The following ARHGEF26 variants were observed in gnomAD, a reference collection of about 807,000 sequenced individuals.
The protein encoded by ARHGEF26 is Rho guanine nucleotide exchange factor (GEF) 26.
ARHGEF26 carries 59 observed loss-of-function variants against 89.4 expected under a neutral mutation model. That is an observed-to-expected ratio of 0.66 (90% CI 0.54 to 0.82). ARHGEF26 has a LOEUF of 0.82. Ranked by LOEUF, ARHGEF26 falls within the 40% of genes least tolerant of loss-of-function variation. The probability of loss-of-function intolerance (pLI) is 0.00; values close to 1 mark genes in which losing one functional copy is unlikely to be tolerated. For missense variants in ARHGEF26, 1,234 were observed against 1,085.6 expected (o/e 1.14, Z -1.92); for synonymous variants, 500 against 428.4 (o/e 1.17, Z -2.06).
intron 7 of ARHGEF26, among the ~76,000 whole-genome samples, chr3:154,189,334 A>ATTTTTT (rs35633646): frequency 6.2e-5 from 7 of 112,284 alleles, no homozygotes; most frequent in African/African-American, 1.0e-4. Flanking sequence ...AGTTGATGTG[A>ATTTTTT]TTTTTTTTTT....
chr3:154,208,141 A>T (rs1715145655), intron 9 of ARHGEF26, among the ~76,000 whole-genome samples: 1 of 152,170 alleles, frequency 6.6e-6, no homozygotes, highest in Non-Finnish European at 1.5e-5. Flanking sequence ...TAGCTAGTGG[A>T]TTCTGGGCAA....
chr3:154,155,943 T>C (rs1031455108), intron 6 of ARHGEF26, among the ~76,000 whole-genome samples: 3 of 152,042 alleles, frequency 2.0e-5, no homozygotes, highest in Non-Finnish European at 1.5e-5. Context: ...ATATGGACTT[T>C]AATATATTCA....
At chr3:154,244,376 A>C (rs1207878447) in intron 12 of ARHGEF26, among the ~76,000 whole-genome samples, 1 of 152,198 alleles carries the variant, frequency 6.6e-6, no homozygotes, top group Non-Finnish European at 1.5e-5. Flanking sequence ...AGAAATGCTC[A>C]CCAAAAGGAG....
chr3:154,155,518 C>G (rs888907820), intron 6 of ARHGEF26, among the ~76,000 whole-genome samples: 1 of 151,720 alleles, frequency 6.6e-6, no homozygotes, highest in African/African-American at 2.4e-5. Flanking sequence ...AAAGTTAATA[C>G]AAGTAGAAAT....
intron 4 of ARHGEF26, among the ~76,000 whole-genome samples, chr3:154,145,748 GT>G (rs1489608368): frequency 6.6e-6 from 1 of 152,164 alleles, no homozygotes; most frequent in Non-Finnish European, 1.5e-5. Flanking sequence ...CAAGAGACTG[GT>G]GCTAATCTTG....
chr3:154,247,296 C>T (rs1717858339), intron 12 of ARHGEF26, among the ~76,000 whole-genome samples: 1 of 152,180 alleles, frequency 6.6e-6, no homozygotes, highest in African/African-American at 2.4e-5. Flanking sequence ...TATTGACACT[C>T]TTTTGCGTTA....
intron 9 of ARHGEF26, among the ~76,000 whole-genome samples, chr3:154,202,482 T>C (rs917423413): frequency 5.3e-5 from 8 of 152,236 alleles, no homozygotes; most frequent in Non-Finnish European, 1.0e-4. Flanking sequence ...CTTGGCAATG[T>C]GGGCTCTTTT....
chr3:154,124,283 A>G, intron 2 of ARHGEF26, 127 bp from the exon 3 acceptor site: 3 of 668,400 alleles, frequency 4.5e-6, no homozygotes, highest in Non-Finnish European at 7.4e-6. Context: ...GCTCTTGGAA[A>G]TCTAATTAAT....
intron 6 of ARHGEF26, among the ~76,000 whole-genome samples, chr3:154,163,681 G>A (rs1711805491): frequency 6.6e-6 from 1 of 152,104 alleles, no homozygotes; most frequent in South Asian, 2.1e-4. Flanking sequence ...AAAGCAAAGA[G>A]CATCTTGTTT....
rs767835260 is a variant in ARHGEF26, at chr3:154,256,606, G to A, written c.*1133G>A. On this transcript the variant is annotated 3_prime_UTR_variant, in exon 15 of 15. Coordinates refer to ENST00000465093, the MANE Select transcript of ARHGEF26 (RefSeq NM_015595.4). ...CCAAATGAGCTGATAAAAAACTGAC[G>A]TGAGGCTGCTTTGCCTTCAATAATA... The A allele has an allele frequency of 2.8e-5, 29 of 1,038,516 alleles. No homozygotes were observed. The highest frequency in any genetic ancestry group is 2.5e-4 in the African/African-American group (14 of 55,112). 64.3% of individuals were successfully genotyped at this position (1,038,516 alleles called of 1,614,324 possible). A position where few individuals can be genotyped will look rare whatever the true frequency, so the allele number is the denominator to read the frequency against.
chr3:154,185,580 A>G (rs1273071038), intron 6 of ARHGEF26, among the ~76,000 whole-genome samples: 2 of 152,172 alleles, frequency 1.3e-5, no homozygotes, highest in Non-Finnish European at 2.9e-5. Flanking sequence ...AGTCCCTCTC[A>G]GGGCCTGCTA....
intron 6 of ARHGEF26, among the ~76,000 whole-genome samples, chr3:154,168,928 A>C (rs1234957895): frequency 1.3e-5 from 2 of 151,852 alleles, no homozygotes; most frequent in African/African-American, 2.4e-5. Flanking sequence ...CTAGGTTGCT[A>C]TCTTTAGCTT....
chr3:154,239,113 T>G (rs1024978417), intron 11 of ARHGEF26, among the ~76,000 whole-genome samples: 1 of 151,926 alleles, frequency 6.6e-6, no homozygotes, highest in Non-Finnish European at 1.5e-5. Context: ...AACCATGGAT[T>G]TGTGGCTGAA....
intron 6 of ARHGEF26, among the ~76,000 whole-genome samples, chr3:154,179,144 T>G (rs1186986867): frequency 1.3e-5 from 2 of 152,190 alleles, no homozygotes; most frequent in African/African-American, 4.8e-5. Flanking sequence ...TGGACCCCTT[T>G]GAAAATCATC....
At chr3:154,124,372 C>CTTTTTTTTTTTTTTTTTTTTTTCT in intron 2 of ARHGEF26, 38 bp from the exon 3 acceptor site, 3 of 1,007,768 alleles carry the variant, frequency 3.0e-6, no homozygotes, top group South Asian at 3.7e-5. Flanking sequence ...TTTGCTTTTC[C>CTTTTTTTTTTTTTTTTTTTTTTCT]TTTTTTTTTT....
chr3:154,231,558 A>G (rs896702162), intron 11 of ARHGEF26, among the ~76,000 whole-genome samples: 1 of 142,662 alleles, frequency 7.0e-6, no homozygotes, highest in Admixed American at 7.3e-5. Context: ...TAACTGATAC[A>G]TGCTATCATT....
At chr3:154,163,073 T>G (rs1371612489) in intron 6 of ARHGEF26, among the ~76,000 whole-genome samples, 1 of 152,196 alleles carries the variant, frequency 6.6e-6, no homozygotes, top group Admixed American at 6.5e-5. Flanking sequence ...AATAATTGTC[T>G]TACTTGTTTT....
At chr3:154,175,380 G>A (rs1246502960) in intron 6 of ARHGEF26, among the ~76,000 whole-genome samples, 1 of 151,896 alleles carries the variant, frequency 6.6e-6, no homozygotes, top group East Asian at 1.9e-4. Context: ...AACTTTCCAA[G>A]GAAATGAAAT....
chr3:154,128,211 A>G (rs1448340522), intron 3 of ARHGEF26, among the ~76,000 whole-genome samples: 1 of 152,188 alleles, frequency 6.6e-6, no homozygotes. Flanking sequence ...GCAAGGCCCT[A>G]CATGATCAGC....
Sources: allele counts gnomAD v4.1 joint callset (sites outside exome capture counted in the v4.1 genomes callset), GRCh38; gene constraint gnomAD v4.1.1; transcripts MANE v1.5; gene names NCBI Gene and HGNC (gene_info 2026-07-23, HGNC 2026-07-21).